SMPD3: variants seen among roughly 807,000 people sequenced by gnomAD.
SMPD3 encodes the protein nSMase-2.
A neutral mutation model predicts 55.7 loss-of-function variants in SMPD3; 21 were observed. That is an observed-to-expected ratio of 0.38 (90% CI 0.27 to 0.54). SMPD3 has a LOEUF of 0.54. Ranked by LOEUF, SMPD3 falls within the 20% of genes least tolerant of loss-of-function variation. The pLI, the probability that SMPD3 is intolerant of heterozygous loss-of-function variation, is 0.80. For synonymous variants in SMPD3, 457 were observed against 404.3 expected (o/e 1.13, Z -1.56); for missense variants, 842 against 899.6 (o/e 0.94, Z 0.82).
At chr16:68,394,254 C>A (rs957152442) in intron 1 of SMPD3, among the ~76,000 whole-genome samples, 1 of 152,166 alleles carries the variant, frequency 6.6e-6, no homozygotes, top group Non-Finnish European at 1.5e-5. Flanking sequence ...TTTCCATTTT[C>A]CAAATCAGTT....
intron 6 of SMPD3, 101 bp downstream of exon 6, chr16:68,363,676 C>G: frequency 6.9e-7 from 1 of 1,448,536 alleles, no homozygotes; most frequent in South Asian, 1.2e-5. Context: ...TGAATGGGGC[C>G]CTTCCCCAGC....
At chr16:68,405,545 C>CAAAAAAAAAAAAAAAAAAAAA (rs67518521) in intron 1 of SMPD3, among the ~76,000 whole-genome samples, 1 of 72,990 alleles carries the variant, frequency 1.4e-5, no homozygotes, top group Non-Finnish European at 2.7e-5. Context: ...GACCCTGTCT[C>CAAAAAAAAAAAAAAAAAAAAA]AAAAAAAAAA....
chr16:68,406,798 AAC>A (rs1484521648), intron 1 of SMPD3, among the ~76,000 whole-genome samples: 2 of 152,340 alleles, frequency 1.3e-5, no homozygotes, highest in East Asian at 1.9e-4. Flanking sequence ...AGACTCAGAA[AAC>A]ACAGTTTCAG....
chr16:68,381,790 C>T (rs548732051), intron 2 of SMPD3, among the ~76,000 whole-genome samples: 34 of 152,294 alleles, frequency 2.2e-4, no homozygotes, highest in African/African-American at 7.9e-4. Flanking sequence ...CATGACCCAT[C>T]CCATCCTGAC....
chr16:68,361,455 TG>T, intron 8 of SMPD3, 147 bp downstream of exon 8: 1 of 1,390,222 alleles, frequency 7.2e-7, no homozygotes. Context: ...CTGGAGGACC[TG>T]GGGCCCTAAG....
chr16:68,415,431 G>C (rs1044625674), intron 1 of SMPD3, among the ~76,000 whole-genome samples: 8 of 152,196 alleles, frequency 5.3e-5, no homozygotes, highest in African/African-American at 1.7e-4. Context: ...TGAGGGTCTA[G>C]CTGCAGTTTG....
intron 3 of SMPD3, among the ~76,000 whole-genome samples, chr16:68,365,518 TCTC>T (rs3837765): frequency 0.13 from 19,444 of 152,008 alleles, 1,283 homozygotes; most frequent in South Asian, 0.17. Flanking sequence ...CCCCCTGAAA[TCTC>T]AGGGGGTTGC....
intron 1 of SMPD3, among the ~76,000 whole-genome samples, chr16:68,435,079 CTG>C (rs2090511852): frequency 6.6e-6 from 1 of 151,932 alleles, no homozygotes; most frequent in African/African-American, 2.4e-5. Flanking sequence ...TCACTACTAC[CTG>C]TGTTTGGAAG....
At chr16:68,394,128 C>T (rs1312491175) in intron 1 of SMPD3, among the ~76,000 whole-genome samples, 1 of 152,156 alleles carries the variant, frequency 6.6e-6, no homozygotes, top group Non-Finnish European at 1.5e-5. Flanking sequence ...CTAGGCTGAG[C>T]TGTTTTTTCA....
intron 7 of SMPD3, among the ~76,000 whole-genome samples, chr16:68,363,162 T>C (rs968847973): frequency 4.1e-5 from 5 of 122,712 alleles, no homozygotes; most frequent in African/African-American, 1.8e-4. Flanking sequence ...TTCATGGGGG[T>C]CGACCTGTGG....
At chr16:68,427,876 G>A (rs923793437) in intron 1 of SMPD3, among the ~76,000 whole-genome samples, 1 of 152,134 alleles carries the variant, frequency 6.6e-6, no homozygotes, top group Non-Finnish European at 1.5e-5. Flanking sequence ...CTTGGCAAGC[G>A]GGGGCAGGTA....
chr16:68,363,470 C>A, intron 7 of SMPD3, 26 bp downstream of exon 7: 1 of 1,613,834 alleles, frequency 6.2e-7, no homozygotes, highest in Non-Finnish European at 8.5e-7. Context: ...TGTGCCTCGT[C>A]CCTGGCCTGG....
intron 1 of SMPD3, among the ~76,000 whole-genome samples, chr16:68,415,612 A>T (rs1028202774): frequency 6.6e-6 from 1 of 152,180 alleles, no homozygotes; most frequent in Non-Finnish European, 1.5e-5. Context: ...AACCATGACT[A>T]CTGTGTTTGT....
At chr16:68,416,761 A>C (rs1186421837) in intron 1 of SMPD3, among the ~76,000 whole-genome samples, 1 of 152,074 alleles carries the variant, frequency 6.6e-6, no homozygotes. Context: ...CTGGGGCTTC[A>C]AGCCCTATCT....
intron 1 of SMPD3, among the ~76,000 whole-genome samples, chr16:68,427,195 G>T (rs2090442876): frequency 2.0e-5 from 3 of 151,902 alleles, no homozygotes; most frequent in African/African-American, 7.3e-5. Context: ...AAGAGACAGG[G>T]TTTCACCACG....
intron 1 of SMPD3, among the ~76,000 whole-genome samples, chr16:68,413,036 C>A (rs569499969): frequency 1.3e-5 from 2 of 152,364 alleles, no homozygotes; most frequent in South Asian, 4.1e-4. Context: ...TATCCCAGCT[C>A]ATGCCGCTAA....
At chr16:68,382,792 C>G (rs1341340482) in intron 2 of SMPD3, among the ~76,000 whole-genome samples, 1 of 152,204 alleles carries the variant, frequency 6.6e-6, no homozygotes, top group Non-Finnish European at 1.5e-5. Context: ...GGAGGATCCC[C>G]TGCATTCACT....
In SMPD3 at chr16:68,361,636, A is replaced by G. The variant is rs770180299; in HGVS notation, c.1833T>C (p.His611=). 1.3e-4 allele frequency: 210 copies of G among 1,610,772 alleles called. No homozygotes were observed. Among genetic ancestry groups the G allele is most frequent in the Non-Finnish European group, 6.4e-5 (75 of 1,179,914 alleles). ...GNGRRIDYML[H]AEEGLCPDWK... The stretch of plus-strand genomic sequence containing the variant: ...AGTCTGGGCACAGCCCCTCCTCTGC[A>G]TGCAGCATGTAGTCGATGCGCCGGC... Residue 611 remains histidine (H), a synonymous_variant, in exon 8 of 9, where the codon CAT becomes CAC. Transcript: ENST00000219334.
chr16:68,405,912 A>G (rs2090251261), intron 1 of SMPD3, among the ~76,000 whole-genome samples: 1 of 152,040 alleles, frequency 6.6e-6, no homozygotes, highest in Non-Finnish European at 1.5e-5. Context: ...TTAACCCCAG[A>G]CTTAGTACCA....
Sources: allele counts gnomAD v4.1 joint callset (sites outside exome capture counted in the v4.1 genomes callset), GRCh38; gene constraint gnomAD v4.1.1; transcripts MANE v1.5; gene names NCBI Gene and HGNC (gene_info 2026-07-23, HGNC 2026-07-21).